NPC1L1: variants seen among roughly 807,000 people sequenced by gnomAD.
NPC1L1 encodes the protein NPC1 like intracellular cholesterol transporter 1.
A neutral mutation model predicts 117.0 loss-of-function variants in NPC1L1; 98 were observed. The observed-to-expected ratio is 0.84, with a 90% CI of 0.71 to 0.99. NPC1L1 has a LOEUF of 0.99. NPC1L1 is among the 50% of genes least tolerant of loss of function. The probability of loss-of-function intolerance (pLI) is 0.00; values close to 1 mark genes in which losing one functional copy is unlikely to be tolerated. For missense variants in NPC1L1, 1,540 were observed against 1,710.0 expected, an observed-to-expected ratio of 0.90 and a Z score of 1.75; for synonymous variants, 729 against 727.6, an observed-to-expected ratio of 1.00 and a Z score of -0.03.
Position 44,540,159 on chromosome 7 carries a change from G to C in NPC1L1, c.238C>G (p.Arg80Gly), listed in dbSNP as rs375407333. The change falls in exon 2 of 19, where the codon CGC becomes GGC. Residue 80 changes from arginine to glycine, a missense_variant. This residue lies in a region of NPC1L1 where 793 missense variants were observed against 820.4 expected (regional missense o/e 0.97). Coordinates refer to ENST00000381160, the MANE Select transcript of NPC1L1 (RefSeq NM_001101648.2). ...HLILLQKICP[R>G]LYTGPNTQAC... is the part of the protein sequence containing the mutation. ...TGGGTGTTGGGGCCGGTGTAGAGGC[G>C]GGGGCAGATCTTCTGTAATAGGATC... 3 of 1,613,614 alleles carry C rather than the reference G, an allele frequency of 1.9e-6. No homozygotes were observed. In the African/African-American group the frequency reaches 4.0e-5, roughly 22 times the overall value.
chr7:44,513,520 T>C lies in NPC1L1; in HGVS notation c.3926A>G (p.His1309Arg), dbSNP rs1050310404. The C allele has an allele frequency of 1.7e-5, 28 of 1,614,188 alleles. No homozygotes were observed. The highest frequency in any genetic ancestry group is 2.3e-5 in the Non-Finnish European group (27 of 1,180,014). ...ACCTTTGATAGAACCTTCAAAGCTG[T>C]GGTTGACATAGATGTTGTCAGCTGT... ...VSTADNIYVNHSFEGSIKGAG... is the reference protein window; with the variant it reads ...VSTADNIYVNRSFEGSIKGAG... Residue 1309 changes from histidine to arginine, a missense_variant, in exon 19 of 19, where the codon CAC becomes CGC. This residue lies in a region of NPC1L1 where 742 missense variants were observed against 873.6 expected (regional missense o/e 0.85). Coordinates refer to ENST00000381160, the MANE Select transcript of NPC1L1 (RefSeq NM_001101648.2).
chr7:44,524,185 C>T lies in NPC1L1; in HGVS notation c.2638-1943G>A, dbSNP rs550670267. On this transcript the variant is annotated intron_variant, in intron 10 of 18. Transcript: ENST00000381160. ...CTGCATAAATGCTCAGAGAAAAATG[C>T]AGTCTCAAAAATACCTGAGAAGACA... Among the ~76,000 whole-genome samples, 22 of 152,242 alleles carry T rather than the reference C, an allele frequency of 1.4e-4. No homozygotes were observed. In the East Asian group the frequency reaches 2.7e-3, roughly 19 times the overall value.
At chr7:44,517,900 G>A (rs1369027061) in intron 14 of NPC1L1, among the ~76,000 whole-genome samples, 1 of 152,022 alleles carries the variant, frequency 6.6e-6, no homozygotes, top group African/African-American at 2.4e-5. Flanking sequence ...TCGATCACCT[G>A]AGGTCAGGAG....
chr7:44,516,869 A>T lies in NPC1L1; in HGVS notation c.3353T>A (p.Leu1118His), dbSNP rs780157168. ...GACAGCGAAGGTGGGCACAAGGCAG[A>T]GGCTGAGCATGAAGAGCCCCTCAGG... is the stretch of plus-strand genomic sequence containing the variant. ...ILPEGLFMLS[L>H]CLVPTFAVSC... Residue 1118 changes from leucine (L) to histidine (H), a missense_variant, in exon 16 of 19, where the codon CTC (leucine) becomes CAC (histidine). Coordinates refer to ENST00000381160, the MANE Select transcript of NPC1L1 (RefSeq NM_001101648.2). The T allele has an allele frequency of 6.2e-7, 1 of 1,614,080 alleles. No individual in the cohort carries two copies. The highest frequency in any genetic ancestry group is 2.2e-5 in the East Asian group (1 of 44,894).
At chr7:44,522,992 G>A (rs886965282) in intron 10 of NPC1L1, among the ~76,000 whole-genome samples, 4 of 152,238 alleles carry the variant, frequency 2.6e-5, no homozygotes, top group Non-Finnish European at 2.9e-5. Context: ...AAATGGCACA[G>A]TAGGAAGTGT....
In NPC1L1 at chr7:44,536,309, G is replaced by C. The variant is rs565991480; in HGVS notation, c.1801C>G (p.Arg601Gly). ...CCAGCCATCCGACGCTGGAAGGCTC[G>C]CATTTCCTCTAAGAAGGCCTCCTCC... is the stretch of plus-strand genomic sequence containing the variant. ...LWEEAFLEEM[R>G]AFQRRMAGMF... The change falls in exon 4 of 19, where the codon CGA becomes GGA. Residue 601 changes from arginine (R) to glycine (G), a missense_variant. Arg to Gly is a moderately radical substitution (Grantham distance 125). Around this residue, in one of 3 missense-constraint regions of NPC1L1, gnomAD observed 793 missense variants for 820.4 expected, o/e 0.97. Transcript: ENST00000381160. The surrounding 1 kb of genome is among the most constrained non-coding windows in gnomAD (Gnocchi z 4.7). 6 of 1,614,242 alleles carry C rather than the reference G, an allele frequency of 3.7e-6. No homozygotes were observed. The highest frequency in any genetic ancestry group is 5.1e-6 in the Non-Finnish European group (6 of 1,180,038).
At chr7:44,518,362 G>T (rs1332246281) in intron 14 of NPC1L1, among the ~76,000 whole-genome samples, 1 of 151,632 alleles carries the variant, frequency 6.6e-6, no homozygotes, top group Non-Finnish European at 1.5e-5. Context: ...TAGAGACAGG[G>T]TTTCACCATG....
In NPC1L1 at chr7:44,533,550, T is replaced by C. The variant is rs978473803; in HGVS notation, c.2290A>G (p.Thr764Ala). ...EAICFFLGAL[T>A]PMPAVRTFAL... ...AAGGTCCGCACAGCTGGCATGGGGG[T>C]CAGGGCCCCTGTGAGGGAGCAGAGG... The change falls in exon 8 of 19, where the codon ACC (threonine) becomes GCC (alanine). Residue 764 changes from threonine to alanine, a missense_variant. By Grantham distance (58) the Thr-to-Ala change is moderately conservative. Around this residue, in one of 3 missense-constraint regions of NPC1L1, gnomAD observed 742 missense variants for 873.6 expected, o/e 0.85. Coordinates refer to ENST00000381160, the MANE Select transcript of NPC1L1 (RefSeq NM_001101648.2). The C allele has an allele frequency of 5.6e-6, 9 of 1,613,918 alleles. No homozygotes were observed. The highest frequency in any genetic ancestry group is 7.6e-6 in the Non-Finnish European group (9 of 1,179,952).
intron 14 of NPC1L1, among the ~76,000 whole-genome samples, chr7:44,520,305 A>T (rs1051378314): frequency 4.0e-5 from 6 of 151,708 alleles, no homozygotes; most frequent in Non-Finnish European, 7.4e-5. Flanking sequence ...GGGTCTCCCT[A>T]CTGTTGCCTG....
Position 44,515,969 on chromosome 7 carries a change from G to A in NPC1L1, c.3634-4C>T, listed in dbSNP as rs1311388642. ...TCATGGCCACACCTGCAAACACCTGGGGGGTTCAGAGCCAGGTGTCAGGCA... is the reference window on the plus strand; with the variant it reads ...TCATGGCCACACCTGCAAACACCTGAGGGGTTCAGAGCCAGGTGTCAGGCA... On this transcript the variant is annotated splice_polypyrimidine_tract_variant and splice_region_variant and intron_variant, in intron 17 of 18. Coordinates refer to ENST00000381160, the MANE Select transcript of NPC1L1 (RefSeq NM_001101648.2). 1 of 1,613,808 alleles carries A rather than the reference G, an allele frequency of 6.2e-7. No homozygotes were observed. The highest frequency in any genetic ancestry group is 1.7e-5 in the Admixed American group (1 of 59,984).
Position 44,536,457 on chromosome 7 carries a change from T to C in NPC1L1, c.1682-29A>G. Reference sequence around the variant, plus strand: ...GGATAAGAAATACTCAGACCCTTCCTGCTGCACCCGTGCCTCCCTCCCCCT... The same window carrying C: ...GGATAAGAAATACTCAGACCCTTCCCGCTGCACCCGTGCCTCCCTCCCCCT... On this transcript the variant is annotated intron_variant, in intron 3 of 18. Coordinates refer to ENST00000381160, the MANE Select transcript of NPC1L1 (RefSeq NM_001101648.2). This position sits in a 1 kb window ranked among gnomAD's most constrained non-coding sequence, Gnocchi z 4.7. 7 of 1,604,704 alleles carry C rather than the reference T, an allele frequency of 4.4e-6. No individual in the cohort carries two copies. Among genetic ancestry groups the C allele is most frequent in the Non-Finnish European group, 5.9e-6 (7 of 1,179,634 alleles).
In NPC1L1 at chr7:44,533,753, A is replaced by T; in HGVS notation, c.2267T>A (p.Ile756Asn). The T allele has an allele frequency of 6.2e-7, 1 of 1,614,130 alleles. No homozygotes were observed. The highest frequency in any genetic ancestry group is 8.5e-7 in the Non-Finnish European group (1 of 1,179,996). ...SMLLCSLSEA[I>N]CFFLGALTPM... Reference sequence around the variant, plus strand: ...CCCAGGCTCACCTAGGAAGAAGCAGATGGCCTCAGAGAGGCTGCACAACAG... The same window carrying T: ...CCCAGGCTCACCTAGGAAGAAGCAGTTGGCCTCAGAGAGGCTGCACAACAG... The change falls in exon 7 of 19, where the codon ATC (isoleucine) becomes AAC (asparagine). Residue 756 changes from isoleucine to asparagine, a missense_variant. By Grantham distance (149) the Ile-to-Asn change is moderately radical. This residue lies in a region of NPC1L1 where 742 missense variants were observed against 873.6 expected (regional missense o/e 0.85). Transcript: ENST00000381160.
chr7:44,513,772 C>T, intron 18 of NPC1L1, 123 bp from the exon 19 acceptor site: 1 of 1,039,372 alleles, frequency 9.6e-7, no homozygotes, highest in Non-Finnish European at 1.4e-6. Context: ...GTGCCATGTG[C>T]CTTCCAGGGT....
At chr7:44,516,658 A>G (rs965459192) in intron 16 of NPC1L1, 45 bp downstream of exon 16, 3 of 1,480,178 alleles carry the variant, frequency 2.0e-6, no homozygotes, top group Non-Finnish European at 2.8e-6. Flanking sequence ...TGGATCCCCA[A>G]CCACCCCTCC....
At position 44,539,829 on chromosome 7, in the gene NPC1L1, C is replaced by G; in HGVS notation, c.568G>C (p.Gly190Arg). 1 of 1,614,158 alleles carries G rather than the reference C, an allele frequency of 6.2e-7. No homozygotes were observed. Among genetic ancestry groups the G allele is most frequent in the Non-Finnish European group, 8.5e-7 (1 of 1,180,040 alleles). Residue 190 changes from glycine (G) to arginine (R), a missense_variant, in exon 2 of 19, where the codon GGC (glycine) becomes CGC (arginine). Transcript: ENST00000381160. The surrounding 1 kb of genome is among the most constrained non-coding windows in gnomAD (Gnocchi z 4.4). Reference protein sequence around the residue: ...AATLAVGTMCGVYGSALCNAQ... With the variant: ...AATLAVGTMCRVYGSALCNAQ... ...TTGCAAAGGGCAGAGCCATACACGCCACACATGGTGCCCACAGCCAGCGTG... is the reference window on the plus strand; with the variant it reads ...TTGCAAAGGGCAGAGCCATACACGCGACACATGGTGCCCACAGCCAGCGTG...
chr7:44,532,747 T>C (rs77826622), intron 8 of NPC1L1, among the ~76,000 whole-genome samples: 1,819 of 152,356 alleles, frequency 0.012, 19 homozygotes, highest in Non-Finnish European at 0.02. Context: ...AGATGTGTTA[T>C]CGACTATTTA....
intron 9 of NPC1L1, 107 bp from the exon 10 acceptor site, chr7:44,531,951 C>T: frequency 6.6e-7 from 1 of 1,525,882 alleles, no homozygotes; most frequent in Non-Finnish European, 9.0e-7. Flanking sequence ...TGGAGTTGAG[C>T]AGACTTGCGT....
chr7:44,540,620 A>G lies in NPC1L1; in HGVS notation c.55-278T>C, dbSNP rs565321303. 3.3e-5 allele frequency among the ~76,000 whole-genome samples: 5 copies of G among 152,168 alleles called. No individual in the cohort carries two copies. The East Asian group carries it at 9.7e-4, about 29-fold the overall frequency. ...TGGGTAAGGAGGCAAAGCTGACTCCAAGGTCCCGGGCTCTGCCCACGTCAA... is the reference window on the plus strand; with the variant it reads ...TGGGTAAGGAGGCAAAGCTGACTCCGAGGTCCCGGGCTCTGCCCACGTCAA... On this transcript the variant is annotated intron_variant, in intron 1 of 18. Coordinates refer to ENST00000381160, the MANE Select transcript of NPC1L1 (RefSeq NM_001101648.2).
chr7:44,517,574 T>C (rs1801230802), intron 14 of NPC1L1, among the ~76,000 whole-genome samples: 2 of 152,220 alleles, frequency 1.3e-5, no homozygotes, highest in Non-Finnish European at 2.9e-5. Context: ...CCCACTGCTG[T>C]GGGAGACCCA....
Sources: allele counts gnomAD v4.1 joint callset (sites outside exome capture counted in the v4.1 genomes callset), GRCh38; gene constraint gnomAD v4.1.1; regional missense constraint gnomAD v4.1.1; non-coding constraint Gnocchi (gnomAD v3.1); transcripts MANE v1.5; gene names NCBI Gene and HGNC (gene_info 2026-07-23, HGNC 2026-07-21).